KCTD2: variants seen among roughly 807,000 people sequenced by gnomAD.
KCTD2 encodes the protein BTB/POZ domain-containing protein KCTD2.
A neutral mutation model predicts 27.9 loss-of-function variants in KCTD2; 18 were observed. That is an observed-to-expected ratio of 0.64 (90% CI 0.45 to 0.96). The LOEUF (loss-of-function observed/expected upper bound fraction) is 0.96. Ranked by LOEUF, KCTD2 falls within the 40% of genes least tolerant of loss-of-function variation. KCTD2 has a pLI of 0.00. For synonymous variants in KCTD2, 175 were observed against 148.4 expected (o/e 1.18, Z -1.30); for missense variants, 280 against 348.0 (o/e 0.80, Z 1.56).
chr17:75,051,114 T>C (rs1016468547), intron 2 of KCTD2, among the ~76,000 whole-genome samples: 1 of 149,144 alleles, frequency 6.7e-6, no homozygotes, highest in East Asian at 2.0e-4. Flanking sequence ...GCTGGGACTA[T>C]AGGCGCCCAC....
At chr17:75,034,439 G>C (rs974109448) in intron 2 of KCTD2, among the ~76,000 whole-genome samples, 1 of 152,190 alleles carries the variant, frequency 6.6e-6, no homozygotes, top group East Asian at 1.9e-4. Context: ...GACACCCCAG[G>C]TGGGACTCGA....
chr17:75,047,650 G>T, intron 1 of KCTD2, 61 bp downstream of exon 1: 1 of 1,516,978 alleles, frequency 6.6e-7, no homozygotes. Context: ...TCGTAGATCG[G>T]TCCCCAGAGT....
chr17:75,055,533 T>C (rs887716779), intron 3 of KCTD2, among the ~76,000 whole-genome samples: 5 of 151,364 alleles, frequency 3.3e-5, no homozygotes, highest in Admixed American at 2.0e-4. Context: ...CTGGCCAACA[T>C]GGTGAAACCC....
At chr17:75,040,407 T>C in intron 3 of KCTD2, 1 of 496,294 alleles carries the variant, frequency 2.0e-6, no homozygotes, top group Non-Finnish European at 3.6e-6. Flanking sequence ...CTCGGAACCC[T>C]GGACAATTCT....
chr17:75,046,793 ACT>A (rs930345478), upstream of KCTD2: 1 of 152,228 alleles, frequency 6.6e-6, no homozygotes, highest in Admixed American at 6.5e-5. Flanking sequence ...CACAAGGGAC[ACT>A]CTGCCAGCGG....
At chr17:75,050,110 A>G (rs1016298091) in intron 2 of KCTD2, among the ~76,000 whole-genome samples, 1 of 152,238 alleles carries the variant, frequency 6.6e-6, no homozygotes, top group Non-Finnish European at 1.5e-5. Context: ...TTTTTAAACA[A>G]TATTTCAAAC....
upstream of KCTD2, chr17:75,042,278 C>G (rs190471145): frequency 3.1e-6 from 5 of 1,613,772 alleles, no homozygotes; most frequent in Non-Finnish European, 4.2e-6. Flanking sequence ...AGCAGCCAAC[C>G]TGCCCACAAG....
At chr17:75,037,352 A>G (rs2073112871) in intron 3 of KCTD2, among the ~76,000 whole-genome samples, 4 of 148,422 alleles carry the variant, frequency 2.7e-5, no homozygotes, top group South Asian at 2.1e-4. Context: ...TCAGAAAAAA[A>G]AAAAAAAAAA....
At chr17:75,053,703 A>G (rs1183124361) in intron 3 of KCTD2, among the ~76,000 whole-genome samples, 1 of 151,886 alleles carries the variant, frequency 6.6e-6, no homozygotes, top group Non-Finnish European at 1.5e-5. Context: ...TCAGCCTCCC[A>G]AAGTGCTGGG....
chr17:75,033,712 G>A (rs188878286), intron 1 of KCTD2, among the ~76,000 whole-genome samples: 252 of 152,354 alleles, frequency 1.7e-3, no homozygotes, highest in Non-Finnish European at 3.1e-3. Flanking sequence ...CCAGTGCCGG[G>A]GGCTGGGGGC....
intron 2 of KCTD2, among the ~76,000 whole-genome samples, chr17:75,051,324 G>C (rs1379789363): frequency 9.2e-6 from 1 of 108,188 alleles, no homozygotes; most frequent in Non-Finnish European, 1.7e-5. Flanking sequence ...TCCCTCTGTT[G>C]CCCAGGCTGG....
upstream of KCTD2, among the ~76,000 whole-genome samples, chr17:75,042,992 C>T (rs554767967): frequency 1.1e-4 from 17 of 151,602 alleles, no homozygotes; most frequent in South Asian, 2.1e-3. Context: ...GAGGCCAAGA[C>T]GGTTGGATCA....
chr17:75,047,794 C>T (rs1158537669), intron 1 of KCTD2, among the ~76,000 whole-genome samples: 1 of 152,068 alleles, frequency 6.6e-6, no homozygotes, highest in Non-Finnish European at 1.5e-5. Flanking sequence ...CTCTGGCTTT[C>T]TCCCCGACCC....
At chr17:75,033,753 T>A (rs949765841) in intron 1 of KCTD2, among the ~76,000 whole-genome samples, 8 of 152,178 alleles carry the variant, frequency 5.3e-5, no homozygotes, top group African/African-American at 1.9e-4. Context: ...TGGGGGCAGG[T>A]CCCTGCGCAC....
chr17:75,036,149 G>A, intron 3 of KCTD2: 1 of 412,426 alleles, frequency 2.4e-6, no homozygotes. Context: ...CACCTCCTGG[G>A]TTCACGCCAT....
At chr17:75,042,725 T>C (rs768861153), upstream of KCTD2, 65 of 1,468,644 alleles carry the variant, frequency 4.4e-5, no homozygotes, top group Non-Finnish European at 5.9e-5. Context: ...GGAAAAATGA[T>C]AAATAACAAA....
intron 3 of KCTD2, chr17:75,041,880 C>G (rs1014837922): frequency 4.0e-6 from 1 of 252,170 alleles, no homozygotes; most frequent in Non-Finnish European, 7.5e-6. Context: ...CGGGGGACCA[C>G]CAGGTTGCCT....
At chr17:75,042,499 T>C, upstream of KCTD2, 3 of 1,599,688 alleles carry the variant, frequency 1.9e-6, no homozygotes, top group Non-Finnish European at 2.5e-6. Context: ...CAGTGGCAAG[T>C]ATGGGGTTCC....
chr17:75,039,294 A>G (rs1170774029), intron 3 of KCTD2: 5 of 1,611,956 alleles, frequency 3.1e-6, no homozygotes, highest in Non-Finnish European at 4.2e-6. Flanking sequence ...AGAGAAATTC[A>G]GTTCTGAAAC....
Sources: allele counts gnomAD v4.1 joint callset (sites outside exome capture counted in the v4.1 genomes callset), GRCh38; gene constraint gnomAD v4.1.1; transcripts MANE v1.5; gene names NCBI Gene and HGNC (gene_info 2026-07-23, HGNC 2026-07-21).